CASK: variants seen among roughly 807,000 people sequenced by gnomAD.
CASK encodes the protein calcium/calmodulin dependent serine protein kinase.
In CASK, 4 loss-of-function variants were observed where a neutral mutation model predicts 82.9. That is an observed-to-expected ratio of 0.05 (90% CI 0.02 to 0.11). The LOEUF (loss-of-function observed/expected upper bound fraction) is 0.11, where lower values mean the gene tolerates loss of function less well. Among genes scored for constraint, CASK ranks in the 10% least tolerant of loss-of-function variants. CASK has a pLI of 1.00. For missense variants in CASK, 358 were observed against 720.9 expected (o/e 0.50, Z 5.76); for synonymous variants, 259 against 253.5 (o/e 1.02, Z -0.20).
chrX:41,524,636 A>AG (rs1447263432), intron 25 of CASK: 3 of 113,746 alleles, frequency 2.6e-5, no homozygotes, highest in Non-Finnish European at 1.8e-5. Context: ...GGCAATGTAT[A>AG]GGCCCATGAG....
At chrX:41,764,686 G>A (rs2069075202) in intron 3 of CASK, among the ~76,000 whole-genome samples, 1 of 111,333 alleles carries the variant, frequency 9.0e-6, no homozygotes, top group Non-Finnish European at 1.9e-5. Context: ...CACTTCTGTT[G>A]CTCTCTGCTG....
chrX:41,683,418 T>G (rs929801890), intron 5 of CASK: 1 of 112,506 alleles, frequency 8.9e-6, no homozygotes, highest in Non-Finnish European at 1.9e-5. Context: ...ACCTCCTGCC[T>G]CAGATTCCTG....
chrX:41,682,293 C>CTTTA (rs1434295769), intron 5 of CASK, among the ~76,000 whole-genome samples: 2 of 109,458 alleles, frequency 1.8e-5, no homozygotes, highest in Non-Finnish European at 3.8e-5. Context: ...TGGCTCATGC[C>CTTTA]TATAATCCCA....
intron 2 of CASK, among the ~76,000 whole-genome samples, chrX:41,824,362 T>G (rs947213567): frequency 6.2e-5 from 7 of 112,346 alleles, no homozygotes; most frequent in Non-Finnish European, 1.3e-4. Context: ...TTGCCTGCTC[T>G]GCACTACTGG....
chrX:41,773,368 C>G (rs1199464823), intron 3 of CASK, among the ~76,000 whole-genome samples: 5 of 92,621 alleles, frequency 5.4e-5, no homozygotes, highest in Non-Finnish European at 1.1e-4. Flanking sequence ...GAATGAGACC[C>G]TGTCTCAAAA....
chrX:41,628,768 T>C (rs911343367), intron 9 of CASK, among the ~76,000 whole-genome samples: 11 of 112,277 alleles, frequency 9.8e-5, no homozygotes, highest in African/African-American at 2.6e-4. Flanking sequence ...ATAGTTACCA[T>C]GTTGAAAAAA....
intron 2 of CASK, among the ~76,000 whole-genome samples, chrX:41,801,131 A>G (rs1468913620): frequency 1.8e-5 from 2 of 111,983 alleles, no homozygotes; most frequent in African/African-American, 3.2e-5. Flanking sequence ...AAAAAGCAGA[A>G]AATAGAAACT....
intron 5 of CASK, chrX:41,676,556 T>C: frequency 1.0e-6 from 1 of 982,516 alleles, no homozygotes. Context: ...TGGGTCTACC[T>C]GGCGGGCGCC....
At chrX:41,736,128 A>C (rs2068491940) in intron 5 of CASK, among the ~76,000 whole-genome samples, 1 of 112,085 alleles carries the variant, frequency 8.9e-6, no homozygotes, top group Admixed American at 9.5e-5. Context: ...CAACATTAAA[A>C]ATTTTCAATT....
intron 2 of CASK, among the ~76,000 whole-genome samples, chrX:41,805,558 A>T (rs1424322786): frequency 8.9e-6 from 1 of 112,106 alleles, no homozygotes; most frequent in Admixed American, 9.5e-5. Flanking sequence ...TTGTGGATTT[A>T]GGGACAAGGG....
At chrX:41,703,796 T>C (rs1277014327) in intron 5 of CASK, among the ~76,000 whole-genome samples, 2 of 112,453 alleles carry the variant, frequency 1.8e-5, no homozygotes, top group African/African-American at 6.5e-5. Context: ...TTTTACCAAT[T>C]TATATGCCCA....
intron 1 of CASK, among the ~76,000 whole-genome samples, chrX:41,899,659 C>T (rs1011872957): frequency 9.0e-6 from 1 of 111,403 alleles, no homozygotes; most frequent in Non-Finnish European, 1.9e-5. Context: ...AAAAGTACGA[C>T]ACTTTTTCTC....
intron 5 of CASK, among the ~76,000 whole-genome samples, chrX:41,677,647 T>C (rs1470069929): frequency 8.9e-6 from 1 of 111,943 alleles, no homozygotes; most frequent in Non-Finnish European, 1.9e-5. Context: ...GATGATGTAG[T>C]GACAGTAAAT....
At chrX:41,629,367 T>C (rs2066428492) in intron 9 of CASK, among the ~76,000 whole-genome samples, 1 of 111,992 alleles carries the variant, frequency 8.9e-6, no homozygotes, top group South Asian at 3.7e-4. Flanking sequence ...CATTCTGAAA[T>C]AGGTCACGGA....
chrX:41,673,986 T>G (rs1387241016), intron 5 of CASK, among the ~76,000 whole-genome samples: 1 of 110,139 alleles, frequency 9.1e-6, no homozygotes, highest in Admixed American at 9.8e-5. Context: ...ATGGCATTTT[T>G]GTTTGGTGTT....
intron 20 of CASK, among the ~76,000 whole-genome samples, chrX:41,554,438 G>A (rs1310214089): frequency 3.6e-5 from 4 of 111,899 alleles, no homozygotes; most frequent in African/African-American, 9.7e-5. Context: ...ACACATTGCT[G>A]ATAAAGTTAA....
chrX:41,786,872 A>T (rs2069618240), intron 3 of CASK: 1 of 258,426 alleles, frequency 3.9e-6, no homozygotes, highest in East Asian at 8.9e-5. Flanking sequence ...ACTCTTCTTC[A>T]CTAAGACTTC....
At chrX:41,699,315 T>C (rs2067751100) in intron 5 of CASK, among the ~76,000 whole-genome samples, 1 of 111,839 alleles carries the variant, frequency 8.9e-6, no homozygotes, top group Non-Finnish European at 1.9e-5. Flanking sequence ...ATAAGTAATA[T>C]TTGAGGATAA....
At position 41,628,285 on chromosome X, in the gene CASK, G is replaced by GT. The variant is rs780607888; in HGVS notation, c.916-1583dup. On this transcript the variant is annotated intron_variant, in intron 9 of 26. Transcript: ENST00000378163. ...AAAGATAAAACTTGTTTGTGTTTAG[G>GT]TATCTGCTAATATGAGAACATTATT... Among the ~76,000 whole-genome samples the GT allele has an allele frequency of 3.2e-4, 36 of 111,849 alleles. 1 individual carries two copies. The highest frequency in any genetic ancestry group is 4.6e-3 in the Middle Eastern group (1 of 216).
Sources: allele counts gnomAD v4.1 joint callset (sites outside exome capture counted in the v4.1 genomes callset), GRCh38; gene constraint gnomAD v4.1.1; transcripts MANE v1.5; gene names NCBI Gene and HGNC (gene_info 2026-07-23, HGNC 2026-07-21).